MON2: variants seen among roughly 807,000 people sequenced by gnomAD.
The protein encoded by MON2 is protein MON2 homolog.
Under a neutral mutation model 208.6 loss-of-function variants are expected in MON2, and 84 were observed. That is an observed-to-expected ratio of 0.40 (90% CI 0.34 to 0.48). The LOEUF (loss-of-function observed/expected upper bound fraction) is 0.48, where lower values mean the gene tolerates loss of function less well. Among genes scored for constraint, MON2 ranks in the 20% least tolerant of loss-of-function variants. The probability of loss-of-function intolerance (pLI) is 0.59; values close to 1 mark genes in which losing one functional copy is unlikely to be tolerated. For synonymous variants in MON2, 660 were observed against 694.0 expected, an observed-to-expected ratio of 0.95 and a Z score of 0.77; for missense variants, 1,611 against 2,015.4, an observed-to-expected ratio of 0.80 and a Z score of 3.84.
intron 23 of MON2, among the ~76,000 whole-genome samples, chr12:62,552,460 C>T (rs527314210): frequency 6.6e-6 from 1 of 151,728 alleles, no homozygotes; most frequent in Non-Finnish European, 1.5e-5. Flanking sequence ...AGTAATTGCT[C>T]GTGTATGAAA....
chr12:62,583,665 G>C (rs1195109085), intron 32 of MON2, among the ~76,000 whole-genome samples: 2 of 151,512 alleles, frequency 1.3e-5, no homozygotes, highest in Non-Finnish European at 2.9e-5. Flanking sequence ...AAAGACATTG[G>C]AGGCCAGGCA....
chr12:62,489,732 GTAATGTGCTTT>G (rs2070007005), intron 2 of MON2, among the ~76,000 whole-genome samples: 1 of 151,864 alleles, frequency 6.6e-6, no homozygotes, highest in African/African-American at 2.4e-5. Context: ...TCCCTTTCCT[GTAATGTGCTTT>G]TAATGTGAAA....
rs753480796 is a variant in MON2 at position 62,596,931 on chromosome 12, A to G, written c.*4182A>G. On this transcript the variant is annotated 3_prime_UTR_variant, in exon 35 of 35. Coordinates refer to ENST00000393630, the MANE Select transcript of MON2 (RefSeq NM_015026.3). ...TTTAAAAGAACATGTGGCAAGTTCT[A>G]TATGAATATTCTTGGTCATCTCGAC... 6.6e-6 allele frequency: 1 copy of G among 152,238 alleles called. No individual in the cohort carries two copies. The highest frequency in any genetic ancestry group is 6.5e-5 in the Admixed American group (1 of 15,286). The allele number at this position is 152,238 out of a possible 1,614,324, so 9.4% of individuals were successfully genotyped here.
intron 2 of MON2, among the ~76,000 whole-genome samples, chr12:62,487,955 T>A (rs3858677): frequency 0.88 from 133,369 of 152,116 alleles, 58,813 homozygotes; most frequent in African/African-American, 0.96. Flanking sequence ...TCTAGATGAC[T>A]TACTCCCTGA....
intron 4 of MON2, among the ~76,000 whole-genome samples, chr12:62,497,029 T>C (rs925928139): frequency 1.4e-5 from 2 of 142,888 alleles, no homozygotes. Context: ...AAATTGGAAA[T>C]CATCATTCTC....
chr12:62,571,500 C>T lies in MON2; in HGVS notation c.4432C>T (p.Arg1478Trp), dbSNP rs749619604. Reference protein sequence around the residue: ...RVLSIGLPVARQHASSGKFDS... With the variant: ...RVLSIGLPVAWQHASSGKFDS... Reference sequence around the variant, plus strand: ...TCTTTCTATTGGGCTACCTGTTGCCCGGCAGCATGCTTCTTCTGGAAAATT... The same window carrying T: ...TCTTTCTATTGGGCTACCTGTTGCCTGGCAGCATGCTTCTTCTGGAAAATT... Residue 1478 changes from arginine (R) to tryptophan (W), a missense_variant, in exon 30 of 35, where the codon CGG becomes TGG. By Grantham distance (101) the Arg-to-Trp change is moderately radical (BLOSUM62 -3). Coordinates refer to ENST00000393630, the MANE Select transcript of MON2 (RefSeq NM_015026.3). The T allele has an allele frequency of 6.2e-6, 10 of 1,613,752 alleles. No homozygotes were observed. Among genetic ancestry groups the T allele is most frequent in the Admixed American group, 1.7e-5 (1 of 59,984 alleles).
In MON2 at chr12:62,585,511, T is replaced by A; in HGVS notation, c.4907+10T>A. 1 of 1,540,240 alleles carries A rather than the reference T, an allele frequency of 6.5e-7. No homozygotes were observed. Among genetic ancestry groups the A allele is most frequent in the Non-Finnish European group, 8.8e-7 (1 of 1,130,790 alleles). On this transcript the variant is annotated intron_variant, in intron 33 of 34. Coordinates refer to ENST00000393630, the MANE Select transcript of MON2 (RefSeq NM_015026.3). ...AATGCCCTCTTCCAAGGTATATATT[T>A]CATTTTATTAAAGAAATAAATGTAT...
intron 8 of MON2, among the ~76,000 whole-genome samples, chr12:62,518,719 T>C (rs975736352): frequency 1.3e-5 from 2 of 152,164 alleles, no homozygotes; most frequent in African/African-American, 2.4e-5. Context: ...GGAAGGCCTG[T>C]TTTCCTGCTT....
At chr12:62,571,154 G>A (rs1187302529) in intron 29 of MON2, among the ~76,000 whole-genome samples, 1 of 152,092 alleles carries the variant, frequency 6.6e-6, no homozygotes, top group Non-Finnish European at 1.5e-5. Context: ...TGTTATTTAT[G>A]TAGGCTCATT....
chr12:62,591,707 C>T (rs2075403333), intron 34 of MON2, among the ~76,000 whole-genome samples: 1 of 152,088 alleles, frequency 6.6e-6, no homozygotes. Context: ...ATGACTTGAC[C>T]AGGGACACCC....
At chr12:62,579,367 G>GT (rs2074916505) in intron 31 of MON2, among the ~76,000 whole-genome samples, 2 of 152,028 alleles carry the variant, frequency 1.3e-5, no homozygotes, top group Non-Finnish European at 2.9e-5. Context: ...GGTTTTGGTG[G>GT]TTTTTTTCCT....
At chr12:62,494,965 TCAA>T (rs1315170533) in intron 3 of MON2, 48 bp from the exon 4 acceptor site, 1 of 1,384,576 alleles carries the variant, frequency 7.2e-7, no homozygotes, top group African/African-American at 1.5e-5. Context: ...TTTAGGGACA[TCAA>T]CATCTATATT....
intron 29 of MON2, among the ~76,000 whole-genome samples, chr12:62,567,563 T>C (rs930438434): frequency 6.6e-6 from 1 of 152,222 alleles, no homozygotes; most frequent in Non-Finnish European, 1.5e-5. Flanking sequence ...TATAGCATGG[T>C]ACTGGCCTTC....
Position 62,537,612 on chromosome 12 carries a change from A to G in MON2, c.2024A>G (p.Lys675Arg). 1 of 1,604,538 alleles carries G rather than the reference A, an allele frequency of 6.2e-7. No homozygotes were observed. The highest frequency in any genetic ancestry group is 1.7e-5 in the Admixed American group (1 of 57,648). The change falls in exon 16 of 35, where the codon AAA becomes AGA. Residue 675 changes from lysine to arginine, a missense_variant. Physicochemically the swap from Lys to Arg is conservative, Grantham distance 26. Transcript: ENST00000393630. The stretch of plus-strand genomic sequence containing the variant: ...CTTTTTAAAATATAGCTGACTTCCA[A>G]AAATATCCAGTGTATGAGGACTTTA... Reference protein sequence around the residue: ...QPQGTVMLTSKNIQCMRTLLN... With the variant: ...QPQGTVMLTSRNIQCMRTLLN...
Position 62,508,318 on chromosome 12 carries a change from G to A in MON2, c.822G>A (p.Arg274=), listed in dbSNP as rs1286131736. The A allele has an allele frequency of 5.6e-6, 9 of 1,613,822 alleles. No homozygotes were observed. The highest frequency in any genetic ancestry group is 1.7e-5 in the Admixed American group (1 of 59,994). ...AATTTAGTTTCCTCCTCAAAGAAAG[G>A]GTATGTCCTCTTGTGATAAAGCTCT... The part of the protein sequence containing the change: ...HQEFSFLLKE[R]VCPLVIKLFS... The change falls in exon 8 of 35, where the codon AGG becomes AGA. Residue 274 remains arginine (R), a synonymous_variant. Coordinates refer to ENST00000393630, the MANE Select transcript of MON2 (RefSeq NM_015026.3).
intron 1 of MON2, among the ~76,000 whole-genome samples, chr12:62,471,834 A>G (rs1034424933): frequency 6.6e-6 from 1 of 152,216 alleles, no homozygotes; most frequent in Non-Finnish European, 1.5e-5. Context: ...CAGGATTTCA[A>G]TCTGAGAAAG....
At chr12:62,515,359 A>G (rs527977910) in intron 8 of MON2, among the ~76,000 whole-genome samples, 8 of 152,334 alleles carry the variant, frequency 5.3e-5, no homozygotes, top group African/African-American at 1.9e-4. Flanking sequence ...TGAGTGAAAT[A>G]AGTGAGTCAA....
chr12:62,588,821 A>G (rs144759479), intron 34 of MON2: 1 of 1,320,856 alleles, frequency 7.6e-7, no homozygotes, highest in Non-Finnish European at 1.0e-6. Flanking sequence ...AATCTTCCCA[A>G]ATTTTTTCAA....
rs546117301 is a variant in MON2 at position 62,600,020 on chromosome 12, G to A, written c.*7271G>A. 2.4e-4 allele frequency: 36 copies of A among 152,310 alleles called. 1 individual carries two copies. The highest frequency in any genetic ancestry group is 1.5e-3 in the Admixed American group (23 of 15,296). The allele number at this position is 152,310 out of a possible 1,614,324, so 9.4% of individuals were successfully genotyped here. A position where few individuals can be genotyped will look rare whatever the true frequency, so the allele number is the denominator to read the frequency against. Reference sequence around the variant, plus strand: ...TAACAGCATTGTGGTTAAGAGCCCAGAGTCTGGGGCCAGGCTTCTTAGATG... The same window carrying A: ...TAACAGCATTGTGGTTAAGAGCCCAAAGTCTGGGGCCAGGCTTCTTAGATG... On this transcript the variant is annotated 3_prime_UTR_variant, in exon 35 of 35. Transcript: ENST00000393630.
Sources: gnomAD v4.1 joint callset for allele counts (sites outside exome capture counted in the v4.1 genomes callset) on GRCh38, gnomAD v4.1.1 for gene constraint, MANE v1.5 for transcripts, NCBI Gene and HGNC (gene_info 2026-07-23, HGNC 2026-07-21) for gene names.